Variants in DCAF8 observed in about 807,000 individuals in gnomAD.
DCAF8 encodes the protein DDB1- and CUL4-associated factor 8.
A neutral mutation model predicts 68.0 loss-of-function variants in DCAF8; 20 were observed. The ratio of observed to expected loss-of-function variants is 0.29; its 90% CI spans 0.21 to 0.43. DCAF8 has a LOEUF of 0.43. DCAF8 is among the 20% of genes least tolerant of loss of function. DCAF8 has a pLI of 1.00. For missense variants in DCAF8, 460 were observed against 771.0 expected, an observed-to-expected ratio of 0.60 and a Z score of 4.78; for synonymous variants, 230 against 276.9, an observed-to-expected ratio of 0.83 and a Z score of 1.68.
chr1:160,225,208 A>G (rs1420633573), intron 8 of DCAF8, 89 bp from the exon 9 acceptor site: 31 of 1,213,194 alleles, frequency 2.6e-5, no homozygotes, highest in South Asian at 1.4e-4. Context: ...AAACTCCCCT[A>G]TATCTTCTCC....
At position 160,229,084 on chromosome 1, in the gene DCAF8, G is replaced by C. The variant is rs1655579226; in HGVS notation, c.1070+2213C>G. Among the ~76,000 whole-genome samples the C allele has an allele frequency of 2.0e-5, 3 of 152,308 alleles. No individual in the cohort carries two copies. The East Asian group carries it at 5.8e-4, about 29-fold the overall frequency. On this transcript the variant is annotated intron_variant, in intron 7 of 13. Transcript: ENST00000368074. ...AGAGGCCGAGGTGGGTGGATCACTTGAAGACAGTTCGAGACCAGCCTGGCC... is the reference window on the plus strand; with the variant it reads ...AGAGGCCGAGGTGGGTGGATCACTTCAAGACAGTTCGAGACCAGCCTGGCC...
chr1:160,225,774 T>C, intron 7 of DCAF8, 111 bp from the exon 8 acceptor site: 1 of 781,966 alleles, frequency 1.3e-6, no homozygotes, highest in South Asian at 1.7e-5. Context: ...TAAACAACAT[T>C]TTCCAAACCA....
At position 160,224,504 on chromosome 1, in the gene DCAF8, G is replaced by T. The variant is rs772202619; in HGVS notation, c.1247C>A (p.Ser416Tyr). The T allele has an allele frequency of 6.2e-7, 1 of 1,614,160 alleles. No homozygotes were observed. ...YNDEDIYLFNSSHSDGAQYVK... is the reference protein window; with the variant it reads ...YNDEDIYLFNYSHSDGAQYVK... Reference sequence around the variant, plus strand: ...ATACTGGGCCCCATCACTGTGAGAGGAGTTGAAGAGGTAAATGTCTTCATC... The same window carrying T: ...ATACTGGGCCCCATCACTGTGAGAGTAGTTGAAGAGGTAAATGTCTTCATC... Residue 416 changes from serine (S) to tyrosine (Y), a missense_variant, in exon 10 of 14, where the codon TCC becomes TAC. Coordinates refer to ENST00000368074, the MANE Select transcript of DCAF8 (RefSeq NM_015726.4).
intron 2 of DCAF8, among the ~76,000 whole-genome samples, chr1:160,256,251 T>G (rs1656832882): frequency 6.6e-6 from 1 of 152,140 alleles, no homozygotes; most frequent in Non-Finnish European, 1.5e-5. Flanking sequence ...CAATTTACAT[T>G]TACATCAGAA....
intron 2 of DCAF8, among the ~76,000 whole-genome samples, chr1:160,258,308 C>G (rs1196441871): frequency 1.3e-5 from 2 of 152,132 alleles, no homozygotes; most frequent in African/African-American, 4.8e-5. Flanking sequence ...GATAGTGCCA[C>G]TGCACTCTAG....
chr1:160,231,251 A>G, intron 7 of DCAF8, 46 bp downstream of exon 7: 1 of 1,310,032 alleles, frequency 7.6e-7, no homozygotes, highest in Non-Finnish European at 1.1e-6. Context: ...TATACAATGC[A>G]TCAGTCTTAC....
intron 11 of DCAF8, 67 bp from the exon 12 acceptor site, chr1:160,219,035 C>A: frequency 6.3e-7 from 1 of 1,586,492 alleles, no homozygotes; most frequent in South Asian, 1.2e-5. Context: ...AACCACTACT[C>A]ACCTTGAGCC....
intron 2 of DCAF8, among the ~76,000 whole-genome samples, chr1:160,258,648 G>A (rs1656935821): frequency 6.6e-6 from 1 of 151,926 alleles, no homozygotes; most frequent in South Asian, 2.1e-4. Context: ...AGCTAGGTAT[G>A]GTGATATGCC....
chr1:160,261,544 G>A (rs935998235), intron 1 of DCAF8, 186 bp from the exon 2 acceptor site: 2 of 152,176 alleles, frequency 1.3e-5, no homozygotes, highest in African/African-American at 4.8e-5. Context: ...CCAACATGAA[G>A]ATTAGAAGCC....
intron 6 of DCAF8, among the ~76,000 whole-genome samples, chr1:160,232,247 C>A (rs1221911337): frequency 2.0e-5 from 3 of 151,646 alleles, no homozygotes; most frequent in African/African-American, 7.3e-5. Flanking sequence ...TTAAGCCAGG[C>A]ACTGGCTCAT....
chr1:160,229,062 G>A lies in DCAF8; in HGVS notation c.1070+2235C>T, dbSNP rs1486426909. On this transcript the variant is annotated intron_variant, in intron 7 of 13. Coordinates refer to ENST00000368074, the MANE Select transcript of DCAF8 (RefSeq NM_015726.4). ...CGACTGTAATCCCAGCACTTTGAGA[G>A]GCCGAGGTGGGTGGATCACTTGAAG... Among the ~76,000 whole-genome samples, 5 of 152,170 alleles carry A rather than the reference G, an allele frequency of 3.3e-5. 1 individual carries two copies. Among genetic ancestry groups the A allele is most frequent in the Admixed American group, 3.3e-4 (5 of 15,274 alleles).
At chr1:160,258,795 G>C (rs1370625093) in intron 2 of DCAF8, among the ~76,000 whole-genome samples, 1 of 151,972 alleles carries the variant, frequency 6.6e-6, no homozygotes, top group East Asian at 1.9e-4. Context: ...TTTACAGTGT[G>C]GTCCACAGAC....
rs990958493 is a variant in DCAF8 at position 160,217,527 on chromosome 1, A to T, written c.*65T>A. On this transcript the variant is annotated 3_prime_UTR_variant, in exon 14 of 14. Transcript: ENST00000368074. ...TTCTGCTGAATGTAGGGCCTGGGACAGGAAAGGGTTGCCCAGGCAGGATCA... is the reference window on the plus strand; with the variant it reads ...TTCTGCTGAATGTAGGGCCTGGGACTGGAAAGGGTTGCCCAGGCAGGATCA... 7 of 1,215,700 alleles carry T rather than the reference A, an allele frequency of 5.8e-6. No individual in the cohort carries two copies. Among genetic ancestry groups the T allele is most frequent in the Non-Finnish European group, 8.3e-6 (7 of 843,078 alleles). The allele number at this position is 1,215,700 out of a possible 1,614,324, so 75.3% of individuals were successfully genotyped here. A position where few individuals can be genotyped will look rare whatever the true frequency, so the allele number is the denominator to read the frequency against.
intron 2 of DCAF8, among the ~76,000 whole-genome samples, chr1:160,246,592 G>C (rs1181017306): frequency 6.6e-6 from 1 of 152,102 alleles, no homozygotes; most frequent in Non-Finnish European, 1.5e-5. Flanking sequence ...AGGAATTCAA[G>C]ACCAGCCTGG....
intron 6 of DCAF8, among the ~76,000 whole-genome samples, chr1:160,233,436 G>GGCT (rs1655763276): frequency 6.6e-6 from 1 of 152,110 alleles, no homozygotes; most frequent in Non-Finnish European, 1.5e-5. Context: ...CACTGAAAAT[G>GGCT]AATGTCATTA....
chr1:160,234,143 AC>A (rs1557833465), intron 6 of DCAF8, among the ~76,000 whole-genome samples: 1 of 151,956 alleles, frequency 6.6e-6, no homozygotes, highest in Non-Finnish European at 1.5e-5. Context: ...CATCATATAT[AC>A]AAAAGAAAAT....
chr1:160,222,345 G>A (rs754826104), intron 11 of DCAF8, among the ~76,000 whole-genome samples: 7 of 152,132 alleles, frequency 4.6e-5, no homozygotes, highest in Non-Finnish European at 8.8e-5. Context: ...GAACACTAAC[G>A]CTTTTTCATT....
intron 6 of DCAF8, among the ~76,000 whole-genome samples, chr1:160,235,875 G>A (rs1465805080): frequency 6.6e-6 from 1 of 151,954 alleles, no homozygotes. Context: ...AGTAGCTAGG[G>A]TTACAGGCAC....
rs373346548 is a variant in DCAF8 at position 160,241,668 on chromosome 1, G to A, written c.50-1298C>T. Among the ~76,000 whole-genome samples, 7 of 152,312 alleles carry A rather than the reference G, an allele frequency of 4.6e-5. No individual in the cohort carries two copies. In the East Asian group the frequency reaches 7.7e-4, roughly 17 times the overall value. ...GGGGAGAATAAAGATTTTAAATGCTGCTCATGGGCCTCCTTTCCTCAGATG... is the reference window on the plus strand; with the variant it reads ...GGGGAGAATAAAGATTTTAAATGCTACTCATGGGCCTCCTTTCCTCAGATG... On this transcript the variant is annotated intron_variant, in intron 3 of 13. Coordinates refer to ENST00000368074, the MANE Select transcript of DCAF8 (RefSeq NM_015726.4).
Sources: gnomAD v4.1 joint callset for allele counts (sites outside exome capture counted in the v4.1 genomes callset) on GRCh38, gnomAD v4.1.1 for gene constraint, MANE v1.5 for transcripts, NCBI Gene and HGNC (gene_info 2026-07-23, HGNC 2026-07-21) for gene names.